Variants in TBCEL observed in about 807,000 individuals in gnomAD.
TBCEL encodes the protein tubulin-specific chaperone cofactor E-like protein.
In TBCEL, 15 loss-of-function variants were observed where a neutral mutation model predicts 44.2. The ratio of observed to expected loss-of-function variants is 0.34; its 90% CI spans 0.23 to 0.52. TBCEL has a LOEUF of 0.52. TBCEL is among the 20% of genes least tolerant of loss of function. TBCEL has a pLI of 0.95. For missense variants in TBCEL, 319 were observed against 506.3 expected (o/e 0.63, Z 3.55); for synonymous variants, 171 against 185.4 (o/e 0.92, Z 0.63).
intron 8 of TBCEL, among the ~76,000 whole-genome samples, chr11:121,072,311 C>T (rs920893579): frequency 2.6e-5 from 4 of 152,090 alleles, no homozygotes; most frequent in African/African-American, 9.7e-5. Context: ...TTGGCCAGGG[C>T]AAGGGGCCAG....
intron 8 of TBCEL, among the ~76,000 whole-genome samples, chr11:121,063,754 C>T (rs979699325): frequency 6.6e-6 from 1 of 152,150 alleles, no homozygotes; most frequent in Non-Finnish European, 1.5e-5. Flanking sequence ...CTAACTTTGC[C>T]TGCACATAAC....
chr11:121,087,592 AT>A lies in TBCEL; in HGVS notation c.*500del. On this transcript the variant is annotated 3_prime_UTR_variant, in exon 9 of 9. Transcript: ENST00000683345. The stretch of plus-strand genomic sequence containing the variant: ...TTTGGTTCAGTTCCATTTTTTTTTC[AT>A]TTTGACATGTGGTTTACCTAATAGT... 6.6e-6 allele frequency: 1 copy of A among 152,310 alleles called. No individual in the cohort carries two copies. Among genetic ancestry groups the A allele is most frequent in the East Asian group, 1.9e-4 (1 of 5,164 alleles). 9.4% of individuals were successfully genotyped at this position (152,310 alleles called of 1,614,324 possible).
intron 4 of TBCEL, among the ~76,000 whole-genome samples, chr11:121,050,635 A>G (rs969435794): frequency 1.3e-5 from 2 of 151,684 alleles, no homozygotes; most frequent in African/African-American, 2.4e-5. Flanking sequence ...AAACCATTTT[A>G]TAAAAGAAAT....
intron 4 of TBCEL, among the ~76,000 whole-genome samples, chr11:121,051,536 T>C (rs1945529124): frequency 6.6e-6 from 1 of 151,760 alleles, no homozygotes; most frequent in East Asian, 1.9e-4. Flanking sequence ...AATCATAGAA[T>C]GCAGTACAGA....
At chr11:121,085,748 C>T (rs1273519305) in intron 8 of TBCEL, among the ~76,000 whole-genome samples, 1 of 151,970 alleles carries the variant, frequency 6.6e-6, no homozygotes, top group Non-Finnish European at 1.5e-5. Flanking sequence ...TCAAGTGATT[C>T]TTCCCCTTGG....
chr11:121,048,459 A>C (rs1945472335), intron 4 of TBCEL, among the ~76,000 whole-genome samples: 1 of 151,870 alleles, frequency 6.6e-6, no homozygotes, highest in Admixed American at 6.6e-5. Context: ...ACCTGATAGG[A>C]GCTACCCTGA....
At chr11:121,040,621 CCTCA>C (rs1180484338) in intron 2 of TBCEL, among the ~76,000 whole-genome samples, 2 of 151,896 alleles carry the variant, frequency 1.3e-5, no homozygotes, top group African/African-American at 2.4e-5. Context: ...CTCTTTTCTT[CCTCA>C]CTCCCCAGTT....
intron 8 of TBCEL, among the ~76,000 whole-genome samples, chr11:121,061,700 G>A (rs1365584926): frequency 1.3e-5 from 2 of 152,012 alleles, no homozygotes; most frequent in Non-Finnish European, 2.9e-5. Context: ...TGGTATAAAA[G>A]ATAAAAACTG....
intron 8 of TBCEL, among the ~76,000 whole-genome samples, chr11:121,071,031 A>T (rs1025120481): frequency 2.0e-5 from 3 of 152,216 alleles, no homozygotes; most frequent in Non-Finnish European, 2.9e-5. Context: ...TGGTATTTAT[A>T]GCCCTGATTT....
At chr11:121,036,893 T>C (rs1293150863) in intron 2 of TBCEL, among the ~76,000 whole-genome samples, 2 of 152,218 alleles carry the variant, frequency 1.3e-5, no homozygotes, top group African/African-American at 2.4e-5. Context: ...ACTGATAACA[T>C]AGTCACAGTT....
intron 6 of TBCEL, 28 bp downstream of exon 6, chr11:121,055,336 C>T (rs568602964): frequency 2.6e-6 from 4 of 1,551,656 alleles, no homozygotes; most frequent in East Asian, 4.6e-5. Context: ...TCTTATTCTA[C>T]ATGCAAATTA....
At chr11:121,025,246 T>C (rs1213049767) in intron 1 of TBCEL, among the ~76,000 whole-genome samples, 1 of 152,204 alleles carries the variant, frequency 6.6e-6, no homozygotes, top group Non-Finnish European at 1.5e-5. Context: ...AGCTGGGGCT[T>C]GTCCCTTGTT....
intron 8 of TBCEL, among the ~76,000 whole-genome samples, chr11:121,082,984 A>G (rs1206772722): frequency 6.6e-6 from 1 of 151,994 alleles, no homozygotes; most frequent in East Asian, 1.9e-4. Context: ...CTCTACCCAA[A>G]CTGTTTCCAC....
chr11:121,068,654 T>G (rs10892669), intron 8 of TBCEL, among the ~76,000 whole-genome samples: 2,624 of 151,614 alleles, frequency 0.017, 82 homozygotes, highest in African/African-American at 0.06. Flanking sequence ...GAGGCCAAGG[T>G]GTGCAGATCA....
At chr11:121,066,424 T>C (rs1945821794) in intron 8 of TBCEL, among the ~76,000 whole-genome samples, 1 of 152,200 alleles carries the variant, frequency 6.6e-6, no homozygotes, top group South Asian at 2.1e-4. Context: ...TAGGAAGTGG[T>C]TCCTGCATCT....
Position 121,087,331 on chromosome 11 carries a change from G to A in TBCEL, c.*235G>A. On this transcript the variant is annotated 3_prime_UTR_variant, in exon 9 of 9. Coordinates refer to ENST00000683345, the MANE Select transcript of TBCEL (RefSeq NM_001363644.2). ...AATTGGCCACATTTCCAGTGTATGT[G>A]CCCTCTCTAAGGAAAGATGACAAAG... 1 of 506,366 alleles carries A rather than the reference G, an allele frequency of 2.0e-6. No individual in the cohort carries two copies. The highest frequency in any genetic ancestry group is 3.5e-6 in the Non-Finnish European group (1 of 282,906). 31.4% of individuals were successfully genotyped at this position (506,366 alleles called of 1,614,324 possible).
chr11:121,068,601 A>G (rs1483352021), intron 8 of TBCEL, among the ~76,000 whole-genome samples: 1 of 152,072 alleles, frequency 6.6e-6, no homozygotes, highest in Non-Finnish European at 1.5e-5. Context: ...AAAACAACAG[A>G]GGCTGGGCGC....
At chr11:121,070,577 A>G (rs1007973254) in intron 8 of TBCEL, among the ~76,000 whole-genome samples, 4 of 152,152 alleles carry the variant, frequency 2.6e-5, no homozygotes, top group African/African-American at 7.2e-5. Flanking sequence ...GCTGGAAACC[A>G]TCATTCTTAG....
At chr11:121,051,223 C>T (rs1361114939) in intron 4 of TBCEL, among the ~76,000 whole-genome samples, 2 of 151,712 alleles carry the variant, frequency 1.3e-5, no homozygotes, top group African/African-American at 2.4e-5. Context: ...TACAGTAATG[C>T]TGATGCAGAC....
Sources: allele counts gnomAD v4.1 joint callset (sites outside exome capture counted in the v4.1 genomes callset), GRCh38; gene constraint gnomAD v4.1.1; transcripts MANE v1.5; gene names NCBI Gene and HGNC (gene_info 2026-07-23, HGNC 2026-07-21).